GUCY1B1: variants seen among roughly 807,000 people sequenced by gnomAD.
GUCY1B1 encodes the protein guanylate cyclase soluble subunit beta-1.
A neutral mutation model predicts 71.0 loss-of-function variants in GUCY1B1; 43 were observed. That is an observed-to-expected ratio of 0.61 (90% CI 0.47 to 0.78). The LOEUF is 0.78. GUCY1B1 is among the 30% of genes least tolerant of loss of function. GUCY1B1 has a pLI of 0.00. For missense variants in GUCY1B1, 535 were observed against 754.1 expected (o/e 0.71, Z 3.40); for synonymous variants, 266 against 259.7 (o/e 1.02, Z -0.23).
At chr4:155,774,343 A>G (rs1737894980) in intron 2 of GUCY1B1, among the ~76,000 whole-genome samples, 1 of 152,010 alleles carries the variant, frequency 6.6e-6, no homozygotes, top group African/African-American at 2.4e-5. Flanking sequence ...CTCTGCCCAG[A>G]ACACAATCTC....
intron 4 of GUCY1B1, among the ~76,000 whole-genome samples, chr4:155,787,664 G>A (rs539549209): frequency 1.3e-5 from 2 of 152,242 alleles, no homozygotes; most frequent in South Asian, 4.2e-4. Flanking sequence ...AAGCCCACAT[G>A]ACACAGTGTA....
intron 9 of GUCY1B1, 46 bp downstream of exon 9, chr4:155,800,120 G>A: frequency 7.7e-7 from 1 of 1,295,434 alleles, no homozygotes; most frequent in Non-Finnish European, 1.1e-6. Flanking sequence ...ATAACATAAT[G>A]TGACTCTACT....
chr4:155,797,735 A>AAATAATAAT (rs148793772), intron 8 of GUCY1B1, among the ~76,000 whole-genome samples: 2,813 of 144,964 alleles, frequency 0.019, 63 homozygotes, highest in African/African-American at 0.052. Context: ...CACTGTCTCA[A>AAATAATAAT]AATAATAATA....
chr4:155,759,077 GC>G lies in GUCY1B1; in HGVS notation c.-62del. 1 of 1,551,490 alleles carries G rather than the reference GC, an allele frequency of 6.4e-7. No homozygotes were observed. The highest frequency in any genetic ancestry group is 1.8e-5 in the Admixed American group (1 of 54,878). ...TTGCGCTGTAGCCGCTGCCGCCTCTGCCTGGGTCCCTTCGGCCGTACCTCTG... is the reference window on the plus strand; with the variant it reads ...TTGCGCTGTAGCCGCTGCCGCCTCTGCTGGGTCCCTTCGGCCGTACCTCTG... On this transcript the variant is annotated 5_prime_UTR_variant, in exon 1 of 14. Coordinates refer to ENST00000264424, the MANE Select transcript of GUCY1B1 (RefSeq NM_000857.5).
chr4:155,796,352 A>G, intron 7 of GUCY1B1, 25 bp from the exon 8 acceptor site: 1 of 1,605,870 alleles, frequency 6.2e-7, no homozygotes, highest in Non-Finnish European at 8.5e-7. Context: ...GGCATTCATT[A>G]ATGGTTGTAT....
At chr4:155,783,363 G>C (rs1204259057) in intron 4 of GUCY1B1, among the ~76,000 whole-genome samples, 5 of 152,214 alleles carry the variant, frequency 3.3e-5, no homozygotes, top group African/African-American at 7.2e-5. Flanking sequence ...AGCAGCGAAG[G>C]CTGCCAGGTT....
chr4:155,773,593 T>A (rs1304527075), intron 2 of GUCY1B1, among the ~76,000 whole-genome samples: 2 of 152,184 alleles, frequency 1.3e-5, no homozygotes, highest in Non-Finnish European at 2.9e-5. Flanking sequence ...CTTGACCCCT[T>A]GTCCGCCTCC....
Position 155,795,135 on chromosome 4 carries a change from C to G in GUCY1B1, c.727-206C>G, listed in dbSNP as rs565434010. 3.3e-5 allele frequency among the ~76,000 whole-genome samples: 5 copies of G among 152,072 alleles called. No individual in the cohort carries two copies. In the South Asian group the frequency reaches 1.0e-3, roughly 32 times the overall value. The stretch of plus-strand genomic sequence containing the variant: ...CTGAATCCATATCAGATTTCATGTT[C>G]TTGTAACTATTTAATGTCCATTTAA... On this transcript the variant is annotated intron_variant, in intron 6 of 13. Coordinates refer to ENST00000264424, the MANE Select transcript of GUCY1B1 (RefSeq NM_000857.5).
At chr4:155,770,008 C>A (rs1041168566) in intron 2 of GUCY1B1, among the ~76,000 whole-genome samples, 2 of 152,036 alleles carry the variant, frequency 1.3e-5, no homozygotes, top group South Asian at 2.1e-4. Flanking sequence ...ATAATTTAAG[C>A]CCATATAAAT....
At chr4:155,798,634 C>T (rs2111155542) in intron 8 of GUCY1B1, among the ~76,000 whole-genome samples, 1 of 152,216 alleles carries the variant, frequency 6.6e-6, no homozygotes, top group South Asian at 2.1e-4. Flanking sequence ...CAAAATTCTG[C>T]AAAGTCACCC....
chr4:155,798,056 G>A (rs569418474), intron 8 of GUCY1B1, among the ~76,000 whole-genome samples: 1 of 152,134 alleles, frequency 6.6e-6, no homozygotes, highest in East Asian at 1.9e-4. Flanking sequence ...TCTATTTATG[G>A]AAAGAAAGGT....
chr4:155,805,079 T>C (rs1740223984), intron 12 of GUCY1B1, 24 bp from the exon 13 acceptor site: 1 of 1,603,140 alleles, frequency 6.2e-7, no homozygotes, highest in African/African-American at 1.3e-5. Flanking sequence ...CTTCTCTCTC[T>C]ACTCCCCTTC....
chr4:155,803,907 G>T, intron 11 of GUCY1B1, 143 bp downstream of exon 11: 1 of 494,648 alleles, frequency 2.0e-6, no homozygotes, highest in South Asian at 3.9e-5. Context: ...CCAGCCCACT[G>T]TACTACATTC....
intron 5 of GUCY1B1, among the ~76,000 whole-genome samples, chr4:155,793,581 C>CT (rs768459873): frequency 1.3e-5 from 2 of 151,300 alleles, no homozygotes; most frequent in East Asian, 1.9e-4. Context: ...CCCACAAGTG[C>CT]TTTTTTTTTC....
chr4:155,797,864 C>G (rs1222090287), intron 8 of GUCY1B1, among the ~76,000 whole-genome samples: 1 of 151,392 alleles, frequency 6.6e-6, no homozygotes, highest in East Asian at 1.9e-4. Flanking sequence ...GATGTCTTTT[C>G]CCTGAGAAAT....
At chr4:155,796,224 A>G (rs1421111497) in intron 7 of GUCY1B1, among the ~76,000 whole-genome samples, 153 bp from the exon 8 acceptor site, 1 of 152,218 alleles carries the variant, frequency 6.6e-6, no homozygotes, top group Non-Finnish European at 1.5e-5. Flanking sequence ...GGCTTATTAC[A>G]GGCAGAACTC....
chr4:155,793,406 T>A (rs1739317467), intron 5 of GUCY1B1, among the ~76,000 whole-genome samples: 1 of 152,208 alleles, frequency 6.6e-6, no homozygotes, highest in African/African-American at 2.4e-5. Flanking sequence ...ATTTGATAGT[T>A]GATGGTTAAA....
rs1481710755 is a variant in GUCY1B1 at position 155,766,936 on chromosome 4, C to A, written c.77+7076C>A. Among the ~76,000 whole-genome samples, 5 of 152,158 alleles carry A rather than the reference C, an allele frequency of 3.3e-5. No homozygotes were observed. The South Asian group carries it at 1.0e-3, about 32-fold the overall frequency. ...CACATACCATATGGTTCTGCAGTCA[C>A]AGTCCTAGATGCTTTATACTCATTA... On this transcript the variant is annotated intron_variant, in intron 2 of 13. Transcript: ENST00000264424.
chr4:155,790,978 G>A (rs1739113236), intron 5 of GUCY1B1, among the ~76,000 whole-genome samples: 1 of 152,070 alleles, frequency 6.6e-6, no homozygotes, highest in African/African-American at 2.4e-5. Flanking sequence ...CAACCTAATA[G>A]AAAGTAGGAC....
Sources: allele counts gnomAD v4.1 joint callset (sites outside exome capture counted in the v4.1 genomes callset), GRCh38; gene constraint gnomAD v4.1.1; transcripts MANE v1.5; gene names NCBI Gene and HGNC (gene_info 2026-07-23, HGNC 2026-07-21).